Variants in RANBP9 observed in about 807,000 individuals in gnomAD.
RANBP9 encodes RAN binding protein 9.
A neutral mutation model predicts 84.3 loss-of-function variants in RANBP9; 15 were observed. The ratio of observed to expected loss-of-function variants is 0.18; its 90% CI spans 0.12 to 0.27. RANBP9 has a LOEUF of 0.27. Ranked by LOEUF, RANBP9 falls within the 10% of genes least tolerant of loss-of-function variation. RANBP9 has a pLI of 1.00. For synonymous variants in RANBP9, 392 were observed against 349.6 expected (o/e 1.12, Z -1.35); for missense variants, 809 against 912.8 (o/e 0.89, Z 1.46).
chr6:13,670,801 G>GAAAAAAAAAAAAAAAAAAAAAAAA (rs796204005), intron 2 of RANBP9, among the ~76,000 whole-genome samples: 1 of 56,760 alleles, frequency 1.8e-5, no homozygotes, highest in African/African-American at 6.0e-5. Context: ...TTCCATCTTA[G>GAAAAAAAAAAAAAAAAAAAAAAAA]AAAAAAAAAA....
rs543076341 is a variant in RANBP9, at chr6:13,623,604, TA to T, written c.2060-1113del. 2.2e-3 allele frequency among the ~76,000 whole-genome samples: 338 copies of T among 152,280 alleles called. 1 individual carries two copies. Among genetic ancestry groups the T allele is most frequent in the Non-Finnish European group, 3.5e-3 (240 of 68,024 alleles). ...CTCAAAGACAAACATCTACAGGGAA[TA>T]TTTTTTTAATTTTATTTTGGCCAAA... On this transcript the variant is annotated intron_variant, in intron 13 of 13. Coordinates refer to ENST00000011619, the MANE Select transcript of RANBP9 (RefSeq NM_005493.3).
At chr6:13,698,802 T>C (rs907492788) in intron 1 of RANBP9, among the ~76,000 whole-genome samples, 2 of 152,134 alleles carry the variant, frequency 1.3e-5, no homozygotes, top group Non-Finnish European at 2.9e-5. Flanking sequence ...TCGCCCAAAG[T>C]CATACTGCTA....
At chr6:13,644,047 T>A (rs1765126134) in intron 6 of RANBP9, among the ~76,000 whole-genome samples, 1 of 152,220 alleles carries the variant, frequency 6.6e-6, no homozygotes, top group Non-Finnish European at 1.5e-5. Context: ...GAGGACTTTT[T>A]AAATTTAATG....
At chr6:13,638,720 G>C (rs1019453690) in intron 9 of RANBP9, among the ~76,000 whole-genome samples, 1 of 152,024 alleles carries the variant, frequency 6.6e-6, no homozygotes, top group Non-Finnish European at 1.5e-5. Flanking sequence ...TGTCACAAAA[G>C]CCAAGAAAGG....
intron 2 of RANBP9, among the ~76,000 whole-genome samples, chr6:13,682,332 T>TAAAG (rs1361973797): frequency 6.6e-6 from 1 of 151,514 alleles, no homozygotes; most frequent in Non-Finnish European, 1.5e-5. Flanking sequence ...TCAAGTGACT[T>TAAAG]TAAAACACAG....
chr6:13,674,624 A>G (rs1275826616), intron 2 of RANBP9, among the ~76,000 whole-genome samples: 1 of 152,188 alleles, frequency 6.6e-6, no homozygotes, highest in Non-Finnish European at 1.5e-5. Flanking sequence ...CCCAGGCACA[A>G]GTGTTTCTTC....
chr6:13,696,074 T>TA (rs1766436806), intron 2 of RANBP9, among the ~76,000 whole-genome samples: 1 of 152,198 alleles, frequency 6.6e-6, no homozygotes, highest in Non-Finnish European at 1.5e-5. Context: ...AATTAGTGCT[T>TA]AACCAGGGAT....
At chr6:13,654,197 A>G (rs912237493) in intron 4 of RANBP9, among the ~76,000 whole-genome samples, 6 of 152,178 alleles carry the variant, frequency 3.9e-5, no homozygotes, top group African/African-American at 1.4e-4. Flanking sequence ...AGTTACCACA[A>G]CATGTTTTTG....
In RANBP9 at chr6:13,657,204, G is replaced by C; in HGVS notation, c.809C>G (p.Pro270Arg). 6.2e-7 allele frequency: 1 copy of C among 1,613,302 alleles called. No individual in the cohort carries two copies. Among genetic ancestry groups the C allele is most frequent in the Non-Finnish European group, 8.5e-7 (1 of 1,179,482 alleles). Residue 270 changes from proline to arginine, a missense_variant, in exon 4 of 14, where the codon CCT becomes CGT. This residue lies in a region of RANBP9 where 216 missense variants were observed against 329.0 expected (regional missense o/e 0.66). Coordinates refer to ENST00000011619, the MANE Select transcript of RANBP9 (RefSeq NM_005493.3). ...HSFCSSGTGQ[P>R]YGPTFTTGDV... Reference sequence around the variant, plus strand: ...ACCAGTAGTGAAAGTTGGTCCATAAGGTTGTCCAGTTCCAGAAGAACAAAA... The same window carrying C: ...ACCAGTAGTGAAAGTTGGTCCATAACGTTGTCCAGTTCCAGAAGAACAAAA...
intron 2 of RANBP9, among the ~76,000 whole-genome samples, chr6:13,669,685 G>A (rs909085993): frequency 2.6e-5 from 4 of 152,102 alleles, no homozygotes; most frequent in African/African-American, 4.8e-5. Flanking sequence ...TTTTTCTCCC[G>A]ATTAGGTGAT....
intron 1 of RANBP9, among the ~76,000 whole-genome samples, chr6:13,706,053 G>GT (rs953327732): frequency 2.0e-5 from 3 of 151,840 alleles, no homozygotes; most frequent in African/African-American, 7.3e-5. Flanking sequence ...GAAAGACAGA[G>GT]TAAGTATAAC....
chr6:13,695,401 GTTTTTT>G (rs773285024), intron 2 of RANBP9, among the ~76,000 whole-genome samples: 12 of 84,802 alleles, frequency 1.4e-4, no homozygotes, highest in Admixed American at 5.8e-4. Flanking sequence ...CCAACCAAAT[GTTTTTT>G]TTTTTTTTTT....
rs778627588 is a variant in RANBP9, at chr6:13,711,539, C to T, written c.-34G>A. The T allele has an allele frequency of 2.3e-5, 28 of 1,241,050 alleles. No homozygotes were observed. The highest frequency in any genetic ancestry group is 1.2e-4 in the African/African-American group (8 of 64,120). 76.9% of individuals were successfully genotyped at this position (1,241,050 alleles called of 1,614,324 possible). ...CGACTCAGCCTGCGGCCACCTCCAC[C>T]TCTTCTCTCCTTCCTCCTCTGCTTC... On this transcript the variant is annotated 5_prime_UTR_variant, in exon 1 of 14. Coordinates refer to ENST00000011619, the MANE Select transcript of RANBP9 (RefSeq NM_005493.3).
At chr6:13,635,975 T>A (rs1357335618) in intron 10 of RANBP9, among the ~76,000 whole-genome samples, 2 of 152,030 alleles carry the variant, frequency 1.3e-5, no homozygotes, top group African/African-American at 4.8e-5. Flanking sequence ...ATTAAGTTAT[T>A]ATATTACAGA....
chr6:13,664,453 T>C (rs1765602316), intron 2 of RANBP9, among the ~76,000 whole-genome samples: 1 of 133,482 alleles, frequency 7.5e-6, no homozygotes, highest in Non-Finnish European at 1.6e-5. Flanking sequence ...ATAACCACAA[T>C]AGGCTTTTCT....
chr6:13,691,058 T>C (rs901467148), intron 2 of RANBP9, among the ~76,000 whole-genome samples: 8 of 150,284 alleles, frequency 5.3e-5, no homozygotes, highest in African/African-American at 2.0e-4. Context: ...TCCCAGCTAC[T>C]AGGACAGACT....
intron 2 of RANBP9, among the ~76,000 whole-genome samples, chr6:13,683,168 C>T (rs149404482): frequency 2.6e-5 from 4 of 152,192 alleles, no homozygotes; most frequent in Non-Finnish European, 5.9e-5. Context: ...CTCCAAAAAA[C>T]TATCCATACT....
chr6:13,677,721 T>G (rs1765928156), intron 2 of RANBP9, among the ~76,000 whole-genome samples: 1 of 152,188 alleles, frequency 6.6e-6, no homozygotes. Context: ...AAGAACAAAC[T>G]TTAACATCTT....
chr6:13,648,883 A>G (rs567068127), intron 5 of RANBP9, among the ~76,000 whole-genome samples: 2 of 152,358 alleles, frequency 1.3e-5, no homozygotes, highest in East Asian at 1.9e-4. Flanking sequence ...TGCAACTATC[A>G]TAATTTAATT....
Sources: allele counts gnomAD v4.1 joint callset (sites outside exome capture counted in the v4.1 genomes callset), GRCh38; gene constraint gnomAD v4.1.1; regional missense constraint gnomAD v4.1.1; transcripts MANE v1.5; gene names NCBI Gene and HGNC (gene_info 2026-07-23, HGNC 2026-07-21).